The following SEZ6L variants were observed in gnomAD, a reference collection of about 807,000 sequenced individuals.
The protein encoded by SEZ6L is seizure related 6 homolog like.
In SEZ6L, 37 loss-of-function variants were observed where a neutral mutation model predicts 106.2. The ratio of observed to expected loss-of-function variants is 0.35; its 90% CI spans 0.27 to 0.46. The LOEUF is 0.46. Among genes scored for constraint, SEZ6L ranks in the 20% least tolerant of loss-of-function variants. The pLI is 1.00. For synonymous variants in SEZ6L, 541 were observed against 570.4 expected (o/e 0.95, Z 0.73); for missense variants, 1,172 against 1,332.8 (o/e 0.88, Z 1.88).
chr22:26,169,831 G>C (rs1298523932), intron 1 of SEZ6L, 68 bp downstream of exon 1: 3 of 795,864 alleles, frequency 3.8e-6, no homozygotes, highest in Non-Finnish European at 5.1e-6. Flanking sequence ...GCCAGGGGTC[G>C]GGGCTGACCA....
chr22:26,207,910 A>ATTTTTTTTTTTTTTTTTTT, intron 1 of SEZ6L, among the ~76,000 whole-genome samples: 1 of 138,498 alleles, frequency 7.2e-6, no homozygotes, highest in East Asian at 2.2e-4. Flanking sequence ...ATTCATGTGT[A>ATTTTTTTTTTTTTTTTTTT]TTTTTTTTTT....
At chr22:26,290,600 G>A (rs749185317) in intron 1 of SEZ6L, among the ~76,000 whole-genome samples, 6 of 152,154 alleles carry the variant, frequency 3.9e-5, no homozygotes, top group East Asian at 1.9e-4. Flanking sequence ...AAAATAAATC[G>A]CAAGGATGGG....
intron 4 of SEZ6L, among the ~76,000 whole-genome samples, chr22:26,298,548 G>A (rs534760060): frequency 2.6e-5 from 4 of 152,224 alleles, no homozygotes; most frequent in Admixed American, 1.3e-4. Context: ...AGTAGTTCTC[G>A]AGCTTTCATA....
chr22:26,373,612 G>A lies in SEZ6L; in HGVS notation c.2827+129G>A. On this transcript the variant is annotated intron_variant, in intron 14 of 16. Transcript: ENST00000248933. ...TAAATTCTACCTTCAGACTGCCAAA[G>A]ATAATCTTAAAATAATATTGTAGGG... 17 of 739,186 alleles carry A rather than the reference G, an allele frequency of 2.3e-5. No individual in the cohort carries two copies. The South Asian group carries it at 3.4e-4, about 15-fold the overall frequency. The allele number at this position is 739,186 out of a possible 1,614,324, so 45.8% of individuals were successfully genotyped here.
rs113364935 is a variant in SEZ6L, at chr22:26,296,346, T to C, written c.970-542T>C. Among the ~76,000 whole-genome samples, 1,391 of 152,276 alleles carry C rather than the reference T, an allele frequency of 9.1e-3. 29 individuals are homozygous for C. The highest frequency in any genetic ancestry group is 0.061 in the East Asian group (317 of 5,178). On this transcript the variant is annotated intron_variant, in intron 3 of 16. Coordinates refer to ENST00000248933, the MANE Select transcript of SEZ6L (RefSeq NM_021115.5). ...CCCCCACCCCTCACTTACCAATTTA[T>C]GCAGAAAATGGAAGAATATATTCAA...
rs760067432 is a variant in SEZ6L at position 26,347,853 on chromosome 22, G to A, written c.2347G>A (p.Asp783Asn). The A allele has an allele frequency of 6.2e-7, 1 of 1,601,274 alleles. No homozygotes were observed. Among genetic ancestry groups the A allele is most frequent in the African/African-American group, 1.4e-5 (1 of 74,026 alleles). ...CCCCGGCTATGACATCGTGGGGAGT[G>A]ACACCCTCACCTGCCAGTGGGACCT... ...CDPGYDIVGSDTLTCQWDLSW... is the reference protein window; with the variant it reads ...CDPGYDIVGSNTLTCQWDLSW... Residue 783 changes from aspartate (D) to asparagine (N), a missense_variant, in exon 11 of 17, where the codon GAC becomes AAC. Transcript: ENST00000248933.
At chr22:26,229,271 A>G (rs561781796) in intron 1 of SEZ6L, among the ~76,000 whole-genome samples, 26 of 152,314 alleles carry the variant, frequency 1.7e-4, no homozygotes, top group Middle Eastern at 6.8e-3. Flanking sequence ...TGCTGGGATT[A>G]CAGGTGTGAG....
At chr22:26,369,338 G>GTTTTTTTTTTTTTTTTTTTTTTTTTT (rs1421215614) in intron 13 of SEZ6L, among the ~76,000 whole-genome samples, 1 of 83,616 alleles carries the variant, frequency 1.2e-5, no homozygotes, top group African/African-American at 7.3e-5. Context: ...TATATAAGCA[G>GTTTTTTTTTTTTTTTTTTTTTTTTTT]TTCTTTTGTT....
intron 1 of SEZ6L, among the ~76,000 whole-genome samples, chr22:26,174,133 G>C (rs1488327236): frequency 1.3e-5 from 2 of 152,166 alleles, no homozygotes; most frequent in Non-Finnish European, 2.9e-5. Flanking sequence ...GTGCCATGTG[G>C]TAAGTTCTTT....
chr22:26,249,908 T>G (rs2079510482), intron 1 of SEZ6L, among the ~76,000 whole-genome samples: 1 of 152,204 alleles, frequency 6.6e-6, no homozygotes, highest in South Asian at 2.1e-4. Flanking sequence ...ATTTGTATTT[T>G]CCTGATGTAG....
At chr22:26,271,561 G>T (rs936284825) in intron 1 of SEZ6L, among the ~76,000 whole-genome samples, 2 of 152,170 alleles carry the variant, frequency 1.3e-5, no homozygotes, top group Non-Finnish European at 2.9e-5. Flanking sequence ...TCTTTCCCTT[G>T]GTGATGAATG....
At chr22:26,356,794 C>T (rs1229255487) in intron 12 of SEZ6L, among the ~76,000 whole-genome samples, 2 of 152,008 alleles carry the variant, frequency 1.3e-5, no homozygotes, top group Non-Finnish European at 2.9e-5. Context: ...TCCTGTTCCA[C>T]ATTGATTTTG....
chr22:26,212,780 G>A (rs2078198268), intron 1 of SEZ6L, among the ~76,000 whole-genome samples: 1 of 152,154 alleles, frequency 6.6e-6, no homozygotes, highest in Non-Finnish European at 1.5e-5. Flanking sequence ...GGCACAGTGG[G>A]GAGAAAGAGT....
chr22:26,325,578 A>C (rs1051837985), intron 9 of SEZ6L, among the ~76,000 whole-genome samples: 1 of 152,122 alleles, frequency 6.6e-6, no homozygotes, highest in Admixed American at 6.5e-5. Context: ...TGTGGGAGAC[A>C]CTCTGGAAAG....
chr22:26,324,238 T>A (rs749139835), intron 9 of SEZ6L, among the ~76,000 whole-genome samples: 20 of 152,088 alleles, frequency 1.3e-4, no homozygotes, highest in Non-Finnish European at 2.5e-4. Flanking sequence ...CGAACATACA[T>A]CCATCTCTGC....
chr22:26,355,676 G>A (rs975922915), intron 12 of SEZ6L, among the ~76,000 whole-genome samples: 3 of 152,228 alleles, frequency 2.0e-5, no homozygotes, highest in African/African-American at 7.2e-5. Flanking sequence ...GTTGCAGTGA[G>A]CAGAGATCAC....
In SEZ6L at chr22:26,310,686, G is replaced by A. The variant is rs770508545; in HGVS notation, c.1531G>A (p.Gly511Arg). ...HDKDRMTVHS[G>R]QTNKSALLYD... ...CACTGCCAGGATGACGGTTCACAGC[G>A]GGCAGACCAACAAGTCAGCTCTTCT... The change falls in exon 7 of 17, where the codon GGG becomes AGG. Residue 511 changes from glycine (G) to arginine (R), a missense_variant. Transcript: ENST00000248933. The A allele has an allele frequency of 2.5e-5, 41 of 1,614,106 alleles. No individual in the cohort carries two copies. The highest frequency in any genetic ancestry group is 1.5e-4 in the South Asian group (14 of 91,058).
chr22:26,340,406 C>T, intron 9 of SEZ6L, 30 bp from the exon 10 acceptor site: 1 of 1,577,296 alleles, frequency 6.3e-7, no homozygotes, highest in Non-Finnish European at 8.6e-7. Context: ...CTCTATTTCA[C>T]ATGACTCTCC....
At chr22:26,216,607 G>A (rs2078305911) in intron 1 of SEZ6L, among the ~76,000 whole-genome samples, 1 of 152,104 alleles carries the variant, frequency 6.6e-6, no homozygotes, top group South Asian at 2.1e-4. Context: ...AGTGAGCCGA[G>A]ATTGCGCCAT....
Sources: gnomAD v4.1 joint callset for allele counts (sites outside exome capture counted in the v4.1 genomes callset) on GRCh38, gnomAD v4.1.1 for gene constraint, MANE v1.5 for transcripts, NCBI Gene and HGNC (gene_info 2026-07-23, HGNC 2026-07-21) for gene names.